Variants in CSNK1G1 observed in about 807,000 individuals in gnomAD.
The protein encoded by CSNK1G1 is casein kinase 1 gamma 1, also known as casein kinase I isoform gamma-1.
A neutral mutation model predicts 59.6 loss-of-function variants in CSNK1G1; 22 were observed. That is an observed-to-expected ratio of 0.37 (90% CI 0.26 to 0.53). The LOEUF is 0.53. Ranked by LOEUF, CSNK1G1 falls within the 20% of genes least tolerant of loss-of-function variation. CSNK1G1 has a pLI of 0.89. For synonymous variants in CSNK1G1, 179 were observed against 177.1 expected (o/e 1.01, Z -0.08); for missense variants, 384 against 519.5 (o/e 0.74, Z 2.54).
At chr15:64,257,867 A>G (rs1015067238) in intron 3 of CSNK1G1, among the ~76,000 whole-genome samples, 1 of 152,142 alleles carries the variant, frequency 6.6e-6, no homozygotes, top group Non-Finnish European at 1.5e-5. Context: ...TTTGACCTGC[A>G]TTGTTACATG....
intron 1 of CSNK1G1, among the ~76,000 whole-genome samples, chr15:64,315,359 A>G (rs1566944605): frequency 6.6e-6 from 1 of 152,234 alleles, no homozygotes; most frequent in Non-Finnish European, 1.5e-5. Flanking sequence ...AAGAGGTAGC[A>G]GGAGTCCATT....
Position 64,167,644 on chromosome 15 carries a change from G to A in CSNK1G1, c.*4287C>T, listed in dbSNP as rs970193790. On this transcript the variant is annotated 3_prime_UTR_variant, in exon 12 of 12. Transcript: ENST00000303052. The stretch of plus-strand genomic sequence containing the variant: ...GTATGGTGTTGCAGGCTCCCAATCT[G>A]AGAAACGAACCTTAATATGGTTCTG... The A allele has an allele frequency of 5.9e-5, 9 of 152,702 alleles. No individual in the cohort carries two copies. The highest frequency in any genetic ancestry group is 2.2e-4 in the African/African-American group (9 of 41,466). 9.5% of individuals were successfully genotyped at this position (152,702 alleles called of 1,614,324 possible).
At chr15:64,206,275 A>C (rs1406071919) in intron 7 of CSNK1G1, among the ~76,000 whole-genome samples, 1 of 152,180 alleles carries the variant, frequency 6.6e-6, no homozygotes, top group Admixed American at 6.5e-5. Flanking sequence ...CCCCGTCTCT[A>C]CTAAAAATAC....
At chr15:64,234,002 C>T (rs1596135266) in intron 4 of CSNK1G1, among the ~76,000 whole-genome samples, 1 of 152,230 alleles carries the variant, frequency 6.6e-6, no homozygotes, top group East Asian at 1.9e-4. Flanking sequence ...TCTCTCTCTC[C>T]CTCCCGCTTC....
chr15:64,184,824 A>T (rs1026591486), intron 10 of CSNK1G1, among the ~76,000 whole-genome samples: 2 of 152,220 alleles, frequency 1.3e-5, no homozygotes, highest in African/African-American at 4.8e-5. Flanking sequence ...GACTAAGATG[A>T]AGGACTGTTT....
chr15:64,181,626 C>T, intron 10 of CSNK1G1: 3 of 522,288 alleles, frequency 5.7e-6, no homozygotes, highest in South Asian at 5.8e-5. Flanking sequence ...CCCTAATCAG[C>T]CCTAAGTTTG....
In CSNK1G1 at chr15:64,166,763, G is replaced by A. The variant is rs1428398490; in HGVS notation, c.*5168C>T. On this transcript the variant is annotated 3_prime_UTR_variant, in exon 12 of 12. Coordinates refer to ENST00000303052, the MANE Select transcript of CSNK1G1 (RefSeq NM_022048.5). The surrounding 1 kb of genome is among the most constrained non-coding windows in gnomAD (Gnocchi z 4.5). The stretch of plus-strand genomic sequence containing the variant: ...CCTGTACTGAAAGAGGGGTGGGTGG[G>A]GACATTCAGAACAGCTGTCCTCTTG... 6.6e-6 allele frequency: 1 copy of A among 152,592 alleles called. No individual in the cohort carries two copies. The highest frequency in any genetic ancestry group is 2.4e-5 in the African/African-American group (1 of 41,418). 9.5% of individuals were successfully genotyped at this position (152,592 alleles called of 1,614,324 possible).
chr15:64,303,406 G>A (rs1363787008), intron 1 of CSNK1G1, among the ~76,000 whole-genome samples: 1 of 151,592 alleles, frequency 6.6e-6, no homozygotes, highest in Non-Finnish European at 1.5e-5. Flanking sequence ...CTTGAGCCTA[G>A]AAGTTTGAAA....
At chr15:64,309,780 G>A (rs11071790) in intron 1 of CSNK1G1, among the ~76,000 whole-genome samples, 122,492 of 152,130 alleles carry the variant, frequency 0.81, 50,447 homozygotes, top group East Asian at 0.95. Flanking sequence ...TTTAAATGGC[G>A]TGAGAGAACA....
chr15:64,352,389 A>G (rs1276881519), intron 1 of CSNK1G1, among the ~76,000 whole-genome samples: 1 of 151,864 alleles, frequency 6.6e-6, no homozygotes, highest in Non-Finnish European at 1.5e-5. Context: ...AGCCATTTAG[A>G]AAGCTAAATA....
intron 1 of CSNK1G1, among the ~76,000 whole-genome samples, chr15:64,316,535 C>CAAAAAAA (rs66620488): frequency 3.2e-5 from 3 of 94,106 alleles, no homozygotes; most frequent in African/African-American, 1.1e-4. Context: ...GACTCTGTCT[C>CAAAAAAA]AAAAAAAAAA....
chr15:64,251,662 G>C, intron 3 of CSNK1G1, 81 bp from the exon 4 acceptor site: 1 of 940,202 alleles, frequency 1.1e-6, no homozygotes, highest in Admixed American at 1.9e-5. Context: ...GTAAACGAGG[G>C]CTAAGATCAC....
chr15:64,172,176 C>T (rs2081677407), intron 11 of CSNK1G1, among the ~76,000 whole-genome samples, 191 bp from the exon 12 acceptor site: 1 of 152,188 alleles, frequency 6.6e-6, no homozygotes, highest in Non-Finnish European at 1.5e-5. Flanking sequence ...GAAATAGCTG[C>T]TTGATTTCAA....
intron 1 of CSNK1G1, among the ~76,000 whole-genome samples, chr15:64,313,804 A>G (rs1004161668): frequency 3.3e-5 from 5 of 150,812 alleles, no homozygotes; most frequent in African/African-American, 1.2e-4. Context: ...AAAAAAAAAA[A>G]CCCCAAAAAC....
Position 64,348,456 on chromosome 15 carries a change from C to T in CSNK1G1, c.-225+7532G>A, listed in dbSNP as rs887518198. Reference sequence around the variant, plus strand: ...CTATGTACTATCTGCTCTCTTATTCCAGAAATCTAAAAGTATTCAAAAAAA... The same window carrying T: ...CTATGTACTATCTGCTCTCTTATTCTAGAAATCTAAAAGTATTCAAAAAAA... On this transcript the variant is annotated intron_variant, in intron 1 of 11. Coordinates refer to ENST00000303052, the MANE Select transcript of CSNK1G1 (RefSeq NM_022048.5). 26 of 151,770 alleles carry T rather than the reference C, an allele frequency of 1.7e-4. 1 individual carries two copies. Among genetic ancestry groups the T allele is most frequent in the Admixed American group, 1.5e-3 (23 of 15,206 alleles). The allele number at this position is 151,770 out of a possible 1,614,324, so 9.4% of individuals were successfully genotyped here. A position where few individuals can be genotyped will look rare whatever the true frequency, so the allele number is the denominator to read the frequency against.
chr15:64,320,691 A>G (rs1471308156), intron 1 of CSNK1G1, among the ~76,000 whole-genome samples: 12 of 151,448 alleles, frequency 7.9e-5, no homozygotes, highest in African/African-American at 2.4e-4. Context: ...AAAAAAAAAA[A>G]AAAAAGAAAA....
chr15:64,207,998 TA>T (rs1346253488), intron 6 of CSNK1G1, among the ~76,000 whole-genome samples: 1 of 152,166 alleles, frequency 6.6e-6, no homozygotes, highest in Non-Finnish European at 1.5e-5. Context: ...CCCAAACTGT[TA>T]AAACAGTCCA....
intron 10 of CSNK1G1, among the ~76,000 whole-genome samples, chr15:64,189,967 C>G (rs1408347861): frequency 6.6e-6 from 1 of 152,046 alleles, no homozygotes. Context: ...TACAGGCGCG[C>G]AGCACCATGC....
At chr15:64,317,203 T>C (rs756129702) in intron 1 of CSNK1G1, among the ~76,000 whole-genome samples, 1 of 152,118 alleles carries the variant, frequency 6.6e-6, no homozygotes, top group African/African-American at 2.4e-5. Flanking sequence ...ATTTTCCTGC[T>C]TCAGCCTCCT....
Sources: allele counts gnomAD v4.1 joint callset (sites outside exome capture counted in the v4.1 genomes callset), GRCh38; gene constraint gnomAD v4.1.1; non-coding constraint Gnocchi (gnomAD v3.1); transcripts MANE v1.5; gene names NCBI Gene and HGNC (gene_info 2026-07-23, HGNC 2026-07-21).